Variants in MCPH1 observed in about 807,000 individuals in gnomAD.
MCPH1 encodes the protein microcephalin.
Under a neutral mutation model 84.5 loss-of-function variants are expected in MCPH1, and 104 were observed. The ratio of observed to expected loss-of-function variants is 1.23; its 90% CI spans 1.05 to 1.45. MCPH1 has a LOEUF of 1.45. Ranked by LOEUF, MCPH1 falls within the 40% of genes most tolerant of loss-of-function variation. The pLI is 0.00. For synonymous variants in MCPH1, 514 were observed against 366.8 expected (o/e 1.40, Z -4.58); for missense variants, 1,498 against 1,005.7 (o/e 1.49, Z -6.62).
At chr8:6,530,062 T>C (rs1819172048) in intron 12 of MCPH1, among the ~76,000 whole-genome samples, 1 of 152,154 alleles carries the variant, frequency 6.6e-6, no homozygotes, top group African/African-American at 2.4e-5. Flanking sequence ...AACTATTATT[T>C]TAAAATATAA....
chr8:6,642,464 A>C (rs1797996478), intron 13 of MCPH1, among the ~76,000 whole-genome samples: 1 of 152,164 alleles, frequency 6.6e-6, no homozygotes. Context: ...AGCTTCTTTA[A>C]TTTGAGCTAT....
intron 12 of MCPH1, among the ~76,000 whole-genome samples, chr8:6,544,665 A>G (rs1303823072): frequency 6.6e-6 from 1 of 152,188 alleles, no homozygotes; most frequent in Non-Finnish European, 1.5e-5. Context: ...TTTTATTTCT[A>G]TAGGATTCCT....
intron 9 of MCPH1, among the ~76,000 whole-genome samples, chr8:6,470,101 T>G (rs1376164021): frequency 6.6e-6 from 1 of 152,194 alleles, no homozygotes; most frequent in African/African-American, 2.4e-5. Flanking sequence ...CAGTAGGCAT[T>G]CTGTAGTAGA....
At chr8:6,544,838 C>G (rs535433052) in intron 12 of MCPH1, among the ~76,000 whole-genome samples, 1 of 152,100 alleles carries the variant, frequency 6.6e-6, no homozygotes, top group Non-Finnish European at 1.5e-5. Context: ...CAGGAAGACT[C>G]GAAATATGTT....
chr8:6,543,299 T>C (rs529656083), intron 12 of MCPH1, among the ~76,000 whole-genome samples: 27 of 152,318 alleles, frequency 1.8e-4, no homozygotes, highest in African/African-American at 6.3e-4. Flanking sequence ...TGACCCGCCG[T>C]CCGCAAATGT....
At chr8:6,507,640 G>A (rs1168690008) in intron 12 of MCPH1, 4 of 141,878 alleles carry the variant, frequency 2.8e-5, no homozygotes, top group African/African-American at 5.2e-5. Context: ...GCAGTGGCAC[G>A]ATCTTGGGTT....
chr8:6,618,328 T>C (rs1831067443), intron 12 of MCPH1: 1 of 152,214 alleles, frequency 6.6e-6, no homozygotes, highest in East Asian at 1.9e-4. Context: ...GAAATGGTGC[T>C]TTATTTGCTG....
intron 12 of MCPH1, among the ~76,000 whole-genome samples, chr8:6,600,565 G>C (rs939251969): frequency 1.3e-5 from 2 of 152,252 alleles, no homozygotes; most frequent in African/African-American, 2.4e-5. Flanking sequence ...AGGCACGTTA[G>C]GCTTGTGACA....
rs547000714 is a variant in MCPH1, at chr8:6,457,985, C to T, written c.1935+2733C>T. ...ATGCTGGTGTCATTAATATGGGGTG[C>T]ACCCTGGCCACTAGGATTTTTTTAA... On this transcript the variant is annotated intron_variant, in intron 9 of 13. Coordinates refer to ENST00000344683, the MANE Select transcript of MCPH1 (RefSeq NM_024596.5). Among the ~76,000 whole-genome samples the T allele has an allele frequency of 2.7e-4, 41 of 152,252 alleles. 1 individual carries two copies. In the South Asian group the frequency reaches 7.1e-3, roughly 26 times the overall value.
chr8:6,630,866 T>C (rs1586874865), intron 13 of MCPH1, among the ~76,000 whole-genome samples: 1 of 145,816 alleles, frequency 6.9e-6, no homozygotes, highest in Non-Finnish European at 1.5e-5. Flanking sequence ...AAAAGTCAAA[T>C]AGGCAATCAA....
intron 12 of MCPH1, among the ~76,000 whole-genome samples, chr8:6,567,321 C>T (rs1047245518): frequency 4.7e-4 from 45 of 96,744 alleles, no homozygotes; most frequent in Admixed American, 1.2e-3. Flanking sequence ...ATGTGTGATC[C>T]GCAAGGTCAT....
chr8:6,621,284 A>T, intron 12 of MCPH1, 170 bp from the exon 13 acceptor site: 1 of 819,444 alleles, frequency 1.2e-6, no homozygotes, highest in Non-Finnish European at 2.0e-6. Flanking sequence ...TTATGTCATT[A>T]ATGTCATCAT....
intron 13 of MCPH1, among the ~76,000 whole-genome samples, chr8:6,623,720 T>TAAAAAAAAA (rs1831749578): frequency 1.6e-4 from 1 of 6,070 alleles, no homozygotes; most frequent in African/African-American, 7.0e-4. Flanking sequence ...AAAAAAAAAC[T>TAAAAAAAAA]ATTGATTTTA....
At chr8:6,579,379 T>A (rs1251291137) in intron 12 of MCPH1, among the ~76,000 whole-genome samples, 1 of 152,202 alleles carries the variant, frequency 6.6e-6, no homozygotes, top group Non-Finnish European at 1.5e-5. Context: ...CCTTGGGAAA[T>A]TATGGTGGTC....
chr8:6,580,653 C>A (rs2515520), intron 12 of MCPH1, among the ~76,000 whole-genome samples: 64,566 of 151,792 alleles, frequency 0.43, 14,635 homozygotes, highest in East Asian at 0.85. Context: ...TCTATCTCAA[C>A]CACAAAAACA....
At chr8:6,409,445 T>C (rs1248423275) in intron 2 of MCPH1, 75 bp downstream of exon 2, 3 of 1,236,272 alleles carry the variant, frequency 2.4e-6, no homozygotes, top group African/African-American at 1.5e-5. Flanking sequence ...CATTTTCTTA[T>C]TTTGGGAGTT....
chr8:6,416,650 G>A (rs1297130493), intron 3 of MCPH1, among the ~76,000 whole-genome samples: 2 of 152,088 alleles, frequency 1.3e-5, no homozygotes, highest in African/African-American at 4.8e-5. Flanking sequence ...TGCAGTCCTA[G>A]GATAAATCCT....
intron 12 of MCPH1, among the ~76,000 whole-genome samples, chr8:6,576,128 C>T (rs539873227): frequency 5.9e-4 from 90 of 151,652 alleles, no homozygotes; most frequent in Non-Finnish European, 1.1e-3. Flanking sequence ...ACACTGTTGC[C>T]ATTTGGTTCT....
intron 12 of MCPH1, among the ~76,000 whole-genome samples, chr8:6,599,171 A>G (rs1046602551): frequency 6.6e-6 from 1 of 152,216 alleles, no homozygotes; most frequent in Non-Finnish European, 1.5e-5. Flanking sequence ...TCAGTATCTT[A>G]AAAAGAAGCC....
Sources: allele counts gnomAD v4.1 joint callset (sites outside exome capture counted in the v4.1 genomes callset), GRCh38; gene constraint gnomAD v4.1.1; transcripts MANE v1.5; gene names NCBI Gene and HGNC (gene_info 2026-07-23, HGNC 2026-07-21).